Variants in MIX23 observed in about 807,000 individuals in gnomAD.
MIX23 encodes protein MIX23.
A neutral mutation model predicts 21.6 loss-of-function variants in MIX23; 13 were observed. The observed-to-expected ratio is 0.60, with a 90% confidence interval of 0.39 to 0.96. The LOEUF (loss-of-function observed/expected upper bound fraction) is 0.96. MIX23 is among the 40% of genes least tolerant of loss of function. MIX23 has a pLI of 0.00. For missense variants in MIX23, 144 were observed against 171.2 expected, an observed-to-expected ratio of 0.84 and a Z score of 0.89; for synonymous variants, 59 against 58.0, an observed-to-expected ratio of 1.02 and a Z score of -0.08.
intron 1 of MIX23, among the ~76,000 whole-genome samples, chr3:122,372,187 C>T (rs2075446565): frequency 7.5e-6 from 1 of 134,052 alleles, no homozygotes; most frequent in South Asian, 2.4e-4. Context: ...CTCATATGTT[C>T]CAAGGATCCA....
At chr3:122,369,060 C>T (rs2075418613) in intron 2 of MIX23, among the ~76,000 whole-genome samples, 1 of 152,170 alleles carries the variant, frequency 6.6e-6, no homozygotes, top group Non-Finnish European at 1.5e-5. Flanking sequence ...GTATCATGGT[C>T]ATGTTTCAAA....
At position 122,368,329 on chromosome 3, in the gene MIX23, G is replaced by C. The variant is rs1280845764; in HGVS notation, c.178-7C>G. Reference sequence around the variant, plus strand: ...TGGCATGAGCTGCCATCAACTAAAAGAACAAAGGAATGAAAGGAGAAAAAA... The same window carrying C: ...TGGCATGAGCTGCCATCAACTAAAACAACAAAGGAATGAAAGGAGAAAAAA... On this transcript the variant is annotated splice_region_variant and splice_polypyrimidine_tract_variant and intron_variant, in intron 2 of 4. Transcript: ENST00000291458. The C allele has an allele frequency of 6.5e-7, 1 of 1,543,808 alleles. No homozygotes were observed. The highest frequency in any genetic ancestry group is 8.7e-7 in the Non-Finnish European group (1 of 1,155,216).
chr3:122,383,059 G>C (rs2075547910), intron 1 of MIX23, 115 bp downstream of exon 1: 1 of 1,382,862 alleles, frequency 7.2e-7, no homozygotes, highest in Non-Finnish European at 1.0e-6. Context: ...CTCGAGAAAA[G>C]AGCTTTGAAT....
chr3:122,367,466 C>T (rs1232028137), intron 3 of MIX23, among the ~76,000 whole-genome samples: 1 of 152,162 alleles, frequency 6.6e-6, no homozygotes, highest in Non-Finnish European at 1.5e-5. Context: ...GAAGTCTACA[C>T]CCTATCTACA....
rs186132793 is a variant in MIX23 at position 122,383,167 on chromosome 3, C to T, written c.51+7G>A. 8.0e-5 allele frequency: 129 copies of T among 1,613,926 alleles called. No homozygotes were observed. The African/African-American group carries it at 1.5e-3, about 19-fold the overall frequency. ...ACATGCCTGCCACATGAGGAAAACC[C>T]CATCACCTGGAACTCGGCGAACTCC... is the stretch of plus-strand genomic sequence containing the variant. On this transcript the variant is annotated splice_region_variant and intron_variant, in intron 1 of 4. Transcript: ENST00000291458.
At chr3:122,377,031 A>G (rs1317268958) in intron 1 of MIX23, among the ~76,000 whole-genome samples, 5 of 152,304 alleles carry the variant, frequency 3.3e-5, no homozygotes, top group Admixed American at 3.3e-4. Flanking sequence ...AATACAAAAA[A>G]TTAGCCGCGC....
intron 4 of MIX23, 34 bp from the exon 5 acceptor site, chr3:122,359,953 G>C: frequency 4.5e-6 from 7 of 1,546,350 alleles, no homozygotes; most frequent in Non-Finnish European, 6.1e-6. Flanking sequence ...AAGTCATTGA[G>C]TTATCCTGCG....
chr3:122,382,484 G>C (rs960463905), intron 1 of MIX23, among the ~76,000 whole-genome samples: 5 of 152,200 alleles, frequency 3.3e-5, no homozygotes, highest in African/African-American at 4.8e-5. Flanking sequence ...TTAAGATCAT[G>C]ATTTTGGAAT....
At position 122,359,823 on chromosome 3, in the gene MIX23, C is replaced by A. The variant is rs566554770; in HGVS notation, c.*46G>T. 32 of 1,344,202 alleles carry A rather than the reference C, an allele frequency of 2.4e-5. No homozygotes were observed. The African/African-American group carries it at 4.5e-4, about 19-fold the overall frequency. The allele number at this position is 1,344,202 out of a possible 1,614,324, so 83.3% of individuals were successfully genotyped here. A position where few individuals can be genotyped will look rare whatever the true frequency, so the allele number is the denominator to read the frequency against. ...CATGCTTAGCTCTTATGAGATGACC[C>A]AGTCCTTAAAAAAAAAAAAAAAAAA... is the stretch of plus-strand genomic sequence containing the variant. On this transcript the variant is annotated 3_prime_UTR_variant, in exon 5 of 5. Coordinates refer to ENST00000291458, the MANE Select transcript of MIX23 (RefSeq NM_001017928.4).
chr3:122,361,611 T>A (rs750807874), intron 4 of MIX23, among the ~76,000 whole-genome samples: 2 of 152,250 alleles, frequency 1.3e-5, no homozygotes, highest in Non-Finnish European at 2.9e-5. Context: ...CTCTTCCCAC[T>A]ACATTTTACA....
Position 122,359,851 on chromosome 3 carries a change from AAAAAAAAG to A in MIX23, c.*10_*17del. On this transcript the variant is annotated 3_prime_UTR_variant, in exon 5 of 5. Coordinates refer to ENST00000291458, the MANE Select transcript of MIX23 (RefSeq NM_001017928.4). ...TCCTTAAAAAAAAAAAAAAAAAAAA[AAAAAAAAG>A]AATCTCTCTTTATTCATTCTTTGGA... is the stretch of plus-strand genomic sequence containing the variant. The A allele has an allele frequency of 2.1e-6, 3 of 1,457,206 alleles. No homozygotes were observed. Among genetic ancestry groups the A allele is most frequent in the South Asian group, 1.4e-5 (1 of 70,066 alleles). 90.3% of individuals were successfully genotyped at this position (1,457,206 alleles called of 1,614,324 possible).
intron 1 of MIX23, among the ~76,000 whole-genome samples, chr3:122,382,232 C>T (rs899199615): frequency 6.6e-6 from 1 of 151,992 alleles, no homozygotes; most frequent in Admixed American, 6.6e-5. Flanking sequence ...TGGTGACTCA[C>T]GCCTGTAATC....
chr3:122,373,651 C>G (rs1347939096), intron 1 of MIX23, among the ~76,000 whole-genome samples: 2 of 152,196 alleles, frequency 1.3e-5, no homozygotes, highest in African/African-American at 2.4e-5. Flanking sequence ...TTCTCATTAA[C>G]AAACATTTAG....
At chr3:122,361,069 T>G (rs1382531596) in intron 4 of MIX23, among the ~76,000 whole-genome samples, 1 of 152,148 alleles carries the variant, frequency 6.6e-6, no homozygotes, top group Non-Finnish European at 1.5e-5. Context: ...GGTATCGAAC[T>G]CCTGACCTCA....
intron 3 of MIX23, 121 bp from the exon 4 acceptor site, chr3:122,363,148 T>C: frequency 1.3e-6 from 1 of 741,596 alleles, no homozygotes; most frequent in South Asian, 1.8e-5. Context: ...GCTACTGCTC[T>C]AGTATTTTTG....
At chr3:122,363,140 T>C (rs1450816967) in intron 3 of MIX23, 113 bp from the exon 4 acceptor site, 5 of 781,248 alleles carry the variant, frequency 6.4e-6, no homozygotes, top group Non-Finnish European at 1.0e-5. Flanking sequence ...CAAAACCTGC[T>C]ACTGCTCTAG....
chr3:122,361,407 G>A (rs1349770629), intron 4 of MIX23, among the ~76,000 whole-genome samples: 3 of 152,052 alleles, frequency 2.0e-5, no homozygotes, highest in East Asian at 1.9e-4. Flanking sequence ...ACACTGGTTG[G>A]GGTGATATAT....
intron 3 of MIX23, among the ~76,000 whole-genome samples, chr3:122,364,567 T>C (rs965978350): frequency 1.5e-4 from 23 of 152,196 alleles, no homozygotes; most frequent in African/African-American, 5.1e-4. Context: ...GCAGTACTTA[T>C]ATATCATGGG....
At chr3:122,372,294 G>A (rs992625666) in intron 1 of MIX23, among the ~76,000 whole-genome samples, 46 of 148,836 alleles carry the variant, frequency 3.1e-4, no homozygotes, top group African/African-American at 1.0e-3. Context: ...TAAAAAGACT[G>A]GTAGTAAGTA....
Sources: allele counts gnomAD v4.1 joint callset (sites outside exome capture counted in the v4.1 genomes callset), GRCh38; gene constraint gnomAD v4.1.1; transcripts MANE v1.5; gene names NCBI Gene and HGNC (gene_info 2026-07-23, HGNC 2026-07-21).